SMAD6: variants seen among roughly 807,000 people sequenced by gnomAD.
SMAD6 encodes the protein SMAD family member 6.
SMAD6 carries 103 observed loss-of-function variants against 39.4 expected under a neutral mutation model. The ratio of observed to expected loss-of-function variants is 2.62; its 90% CI spans 2.23 to 3.08. SMAD6 has a LOEUF of 3.08. SMAD6 is among the 30% of genes most tolerant of loss of function. The pLI is 0.00. For synonymous variants in SMAD6, 445 were observed against 353.3 expected (o/e 1.26, Z -2.91); for missense variants, 1,104 against 742.9 (o/e 1.49, Z -5.65).
chr15:66,745,583 A>G (rs1048412176), intron 3 of SMAD6, among the ~76,000 whole-genome samples: 19 of 152,178 alleles, frequency 1.2e-4, no homozygotes, highest in Non-Finnish European at 5.9e-5. Context: ...TGTTCTTTGT[A>G]TTTTGGTGAT....
chr15:66,703,251 G>A lies in SMAD6; in HGVS notation c.-8G>A, dbSNP rs572763955. 5.6e-6 allele frequency: 8 copies of A among 1,430,446 alleles called. No homozygotes were observed. The highest frequency in any genetic ancestry group is 7.3e-6 in the Non-Finnish European group (8 of 1,088,912). The allele number at this position is 1,430,446 out of a possible 1,614,324, so 88.6% of individuals were successfully genotyped here. On this transcript the variant is annotated 5_prime_UTR_variant, in exon 1 of 4. Coordinates refer to ENST00000288840, the MANE Select transcript of SMAD6 (RefSeq NM_005585.5). ...CTCCCCCCCACCCCTGGCGCCAAAG[G>A]ATATCGTATGTTCAGGTCCAAACGC...
rs1222886180 is a variant in SMAD6 at position 66,769,746 on chromosome 15, T to G, written c.953-11251T>G. Among the ~76,000 whole-genome samples, 5 of 152,188 alleles carry G rather than the reference T, an allele frequency of 3.3e-5. No homozygotes were observed. In the East Asian group the frequency reaches 5.8e-4, roughly 18 times the overall value. ...CAGGAGGTTTGCCAATAAAACACAT[T>G]GTATTTGGGAAATAAAAGACAATTA... On this transcript the variant is annotated intron_variant, in intron 3 of 3. Transcript: ENST00000288840.
At chr15:66,754,989 T>G (rs1894072114) in intron 3 of SMAD6, among the ~76,000 whole-genome samples, 2 of 152,196 alleles carry the variant, frequency 1.3e-5, no homozygotes, top group East Asian at 3.8e-4. Flanking sequence ...CCTCTACTGC[T>G]TATTTGCTGT....
intron 3 of SMAD6, among the ~76,000 whole-genome samples, chr15:66,751,628 T>C (rs1894007852): frequency 6.6e-6 from 1 of 152,236 alleles, no homozygotes. Flanking sequence ...ATGCAAAGTG[T>C]GAAGCCAGTG....
intron 3 of SMAD6, chr15:66,717,484 C>G (rs1257295639): frequency 2.2e-6 from 1 of 450,888 alleles, no homozygotes; most frequent in East Asian, 7.0e-5. Context: ...CTGTTTTGTC[C>G]CCCACTTTTC....
intron 3 of SMAD6, among the ~76,000 whole-genome samples, chr15:66,778,662 A>G (rs2140678508): frequency 6.6e-6 from 1 of 152,298 alleles, no homozygotes; most frequent in Admixed American, 6.5e-5. Context: ...AGGGAGGTAG[A>G]GGGACTTGCT....
Position 66,715,997 on chromosome 15 carries a change from AG to A in SMAD6, c.875-422del, listed in dbSNP as rs200589151. On this transcript the variant is annotated intron_variant, in intron 2 of 3. Coordinates refer to ENST00000288840, the MANE Select transcript of SMAD6 (RefSeq NM_005585.5). ...CCTAGCGGGAGGGAGGAAGGAAGGA[AG>A]GAAGAAAGGAAGGAAGGAAGCAAGA... Among the ~76,000 whole-genome samples, 59 of 150,832 alleles carry A rather than the reference AG, an allele frequency of 3.9e-4. No individual in the cohort carries two copies. In the East Asian group the frequency reaches 0.011, roughly 28 times the overall value.
At chr15:66,735,824 T>C in intron 3 of SMAD6, among the ~76,000 whole-genome samples, 1 of 152,154 alleles carries the variant, frequency 6.6e-6, no homozygotes, top group East Asian at 1.9e-4. Flanking sequence ...CACCCCACAT[T>C]GGAGGGAGGC....
rs199531653 is a variant in SMAD6, at chr15:66,781,042, G to A, written c.998G>A (p.Ser333Asn). The change falls in exon 4 of 4, where the codon AGC becomes AAC. Residue 333 changes from serine (S) to asparagine (N), a missense_variant. Physicochemically the swap from Ser to Asn is conservative, Grantham distance 46 (BLOSUM62 1). Coordinates refer to ENST00000288840, the MANE Select transcript of SMAD6 (RefSeq NM_005585.5). ...PDATKPSHWC[S>N]VAYWEHRTRV... ...GCCACCAAGCCGAGCCACTGGTGCAGCGTGGCGTACTGGGAGCACCGGACG... is the reference window on the plus strand; with the variant it reads ...GCCACCAAGCCGAGCCACTGGTGCAACGTGGCGTACTGGGAGCACCGGACG... The A allele has an allele frequency of 1.9e-6, 3 of 1,600,590 alleles. No homozygotes were observed. In the Admixed American group the frequency reaches 5.0e-5, roughly 27 times the overall value.
chr15:66,752,004 T>C (rs996058519), intron 3 of SMAD6, among the ~76,000 whole-genome samples: 24 of 151,648 alleles, frequency 1.6e-4, no homozygotes, highest in Admixed American at 1.2e-3. Context: ...TATAGTTGCT[T>C]ATAAACATAA....
chr15:66,781,456 G>C lies in SMAD6; in HGVS notation c.1412G>C (p.Gly471Ala). 1 of 1,604,356 alleles carries C rather than the reference G, an allele frequency of 6.2e-7. No individual in the cohort carries two copies. Among genetic ancestry groups the C allele is most frequent in the Non-Finnish European group, 8.5e-7 (1 of 1,177,722 alleles). ...AGCGTCCGCATCAGCTTCGCCAAGG[G>C]CTGGGGGCCCTGCTACTCCCGGCAG... ...PNSVRISFAK[G>A]WGPCYSRQFI... The change falls in exon 4 of 4, where the codon GGC becomes GCC. Residue 471 changes from glycine (G) to alanine (A), a missense_variant. By Grantham distance (60) the Gly-to-Ala change is moderately conservative (BLOSUM62 0). Coordinates refer to ENST00000288840, the MANE Select transcript of SMAD6 (RefSeq NM_005585.5).
chr15:66,715,940 G>A (rs1228559858), intron 2 of SMAD6, among the ~76,000 whole-genome samples: 1 of 152,070 alleles, frequency 6.6e-6, no homozygotes, highest in Non-Finnish European at 1.5e-5. Context: ...GAGTGAGGAC[G>A]GCTGGTGACT....
intron 3 of SMAD6, among the ~76,000 whole-genome samples, chr15:66,717,709 A>G (rs1223466698): frequency 6.6e-6 from 1 of 152,160 alleles, no homozygotes; most frequent in African/African-American, 2.4e-5. Context: ...GGAGGCTAGA[A>G]GCGGAAGCAG....
At chr15:66,704,510 G>A (rs1467152380) in intron 1 of SMAD6, 3 of 159,272 alleles carry the variant, frequency 1.9e-5, no homozygotes, top group Admixed American at 6.5e-5. Context: ...GCTTTTCTAT[G>A]TCCAAGTAGC....
chr15:66,738,232 G>A (rs935209152), intron 3 of SMAD6, among the ~76,000 whole-genome samples: 1 of 152,188 alleles, frequency 6.6e-6, no homozygotes, highest in African/African-American at 2.4e-5. Flanking sequence ...AAGCTCCTAC[G>A]CTTGTGGGCC....
At chr15:66,748,078 T>G (rs750069634) in intron 3 of SMAD6, among the ~76,000 whole-genome samples, 2 of 152,174 alleles carry the variant, frequency 1.3e-5, no homozygotes, top group African/African-American at 2.4e-5. Flanking sequence ...CTTGGGGGAT[T>G]TGTAAAATAA....
At chr15:66,777,788 G>A (rs770807599) in intron 3 of SMAD6, among the ~76,000 whole-genome samples, 1 of 152,212 alleles carries the variant, frequency 6.6e-6, no homozygotes, top group Admixed American at 6.5e-5. Context: ...GGCCAGGAGC[G>A]CAGGCCTGAT....
At chr15:66,723,734 A>G (rs1195822252) in intron 3 of SMAD6, among the ~76,000 whole-genome samples, 1 of 150,322 alleles carries the variant, frequency 6.7e-6, no homozygotes, top group African/African-American at 2.5e-5. Flanking sequence ...AAAAGGGGGA[A>G]AAAAGAATCT....
intron 3 of SMAD6, among the ~76,000 whole-genome samples, chr15:66,734,665 C>T (rs1048108081): frequency 6.6e-6 from 1 of 152,078 alleles, no homozygotes; most frequent in East Asian, 1.9e-4. Flanking sequence ...GAAAGAGCTG[C>T]GATGAGAACC....
Sources: gnomAD v4.1 joint callset for allele counts (sites outside exome capture counted in the v4.1 genomes callset) on GRCh38, gnomAD v4.1.1 for gene constraint, MANE v1.5 for transcripts, NCBI Gene and HGNC (gene_info 2026-07-23, HGNC 2026-07-21) for gene names.